The following PKD2L1 variants were observed in gnomAD, a reference collection of about 807,000 sequenced individuals.
PKD2L1 encodes the protein polycystin 2 like 1, transient receptor potential cation channel.
Under a neutral mutation model 93.0 loss-of-function variants are expected in PKD2L1, and 77 were observed. That is an observed-to-expected ratio of 0.83 (90% CI 0.69 to 1.00). The LOEUF is 1.00. Among genes scored for constraint, PKD2L1 ranks in the 50% least tolerant of loss-of-function variants. The pLI is 0.00. For synonymous variants in PKD2L1, 390 were observed against 388.0 expected (o/e 1.01, Z -0.06); for missense variants, 977 against 990.9 (o/e 0.99, Z 0.19).
intron 2 of PKD2L1, among the ~76,000 whole-genome samples, chr10:100,318,064 A>T (rs1162437027): frequency 6.6e-6 from 1 of 151,624 alleles, no homozygotes; most frequent in Non-Finnish European, 1.5e-5. Context: ...TGGGCGATAG[A>T]GCAAGACTCT....
intron 6 of PKD2L1, among the ~76,000 whole-genome samples, chr10:100,296,742 A>T (rs1848548212): frequency 6.6e-6 from 1 of 152,070 alleles, no homozygotes; most frequent in Admixed American, 6.5e-5. Context: ...TACACTAAAA[A>T]AAAAAAACAC....
chr10:100,289,161 T>G, intron 14 of PKD2L1, 105 bp from the exon 15 acceptor site: 1 of 718,466 alleles, frequency 1.4e-6, no homozygotes, highest in South Asian at 2.0e-5. Context: ...ATAGACTGTT[T>G]GCGTCCCTCC....
At chr10:100,299,017 G>A (rs1045671667) in intron 3 of PKD2L1, among the ~76,000 whole-genome samples, 1 of 146,300 alleles carries the variant, frequency 6.8e-6, no homozygotes, top group Non-Finnish European at 1.5e-5. Flanking sequence ...ACACAATCTC[G>A]GCTCACCGCA....
chr10:100,329,209 A>C lies in PKD2L1; in HGVS notation c.349+2T>G, dbSNP rs780635665. 42 of 1,613,890 alleles carry C rather than the reference A, an allele frequency of 2.6e-5. No homozygotes were observed. The East Asian group carries it at 9.4e-4, about 36-fold the overall frequency. On this transcript the variant is annotated splice_donor_variant, in intron 2 of 15. Transcript: ENST00000318222. LOFTEE classifies it high-confidence loss of function. ...ATGTACACAAACACAGATGCTACTCACGTAGACAGATGTCCACCAGGAACA... is the reference window on the plus strand; with the variant it reads ...ATGTACACAAACACAGATGCTACTCCCGTAGACAGATGTCCACCAGGAACA...
chr10:100,296,876 G>A (rs1848551207), intron 6 of PKD2L1, 104 bp downstream of exon 6: 2 of 699,560 alleles, frequency 2.9e-6, no homozygotes, highest in South Asian at 1.8e-5. Context: ...CCAAAAGTCA[G>A]AAGGAGGGCT....
At chr10:100,295,657 C>T (rs192836965) in intron 7 of PKD2L1, among the ~76,000 whole-genome samples, 76 of 141,406 alleles carry the variant, frequency 5.4e-4, no homozygotes, top group African/African-American at 1.8e-3. Context: ...TGCTTCAACC[C>T]GGGAGGCAGA....
chr10:100,324,458 G>A (rs541055811), intron 2 of PKD2L1, among the ~76,000 whole-genome samples: 1 of 152,314 alleles, frequency 6.6e-6, no homozygotes, highest in Admixed American at 6.5e-5. Context: ...ACCCCTGGAA[G>A]CCACTGACAA....
intron 2 of PKD2L1, among the ~76,000 whole-genome samples, chr10:100,302,771 GA>G (rs1410605893): frequency 6.6e-6 from 1 of 151,804 alleles, no homozygotes; most frequent in Non-Finnish European, 1.5e-5. Context: ...AGCAAAAAAA[GA>G]AAAAAATTGA....
In PKD2L1 at chr10:100,295,078, A is replaced by C. The variant is rs1202628540; in HGVS notation, c.1402T>G (p.Ser468Ala). The C allele has an allele frequency of 3.1e-6, 5 of 1,614,130 alleles. No individual in the cohort carries two copies. In the South Asian group the frequency reaches 5.5e-5, roughly 18 times the overall value. Residue 468 changes from serine (S) to alanine (A), a missense_variant, in exon 8 of 16, where the codon TCC becomes GCC. Physicochemically the swap from Ser to Ala is moderately conservative, Grantham distance 99 (BLOSUM62 1). Coordinates refer to ENST00000318222, the MANE Select transcript of PKD2L1 (RefSeq NM_016112.3). The stretch of plus-strand genomic sequence containing the variant: ...TCCTTGGCACAGCGGGCCAGCGTGG[A>C]GGAGAGCTGGGTCATGGTTTTGTTG... ...SFNKTMTQLS[S>A]TLARCAKDIL...
intron 13 of PKD2L1, 65 bp downstream of exon 13, chr10:100,290,336 A>G (rs1170755130): frequency 1.5e-6 from 2 of 1,307,984 alleles, no homozygotes; most frequent in Non-Finnish European, 1.1e-6. Context: ...TGGGAAAAGT[A>G]CAAGACAGGG....
Position 100,288,260 on chromosome 10 carries a change from AT to A in PKD2L1, c.*135del. ...TCAAAGATCTCTGAATCCTGAGTTC[AT>A]TTCCTTGCCTGATTCCCTTCAGGCT... On this transcript the variant is annotated 3_prime_UTR_variant, in exon 16 of 16. Transcript: ENST00000318222. 3.0e-6 allele frequency: 2 copies of A among 666,654 alleles called. No individual in the cohort carries two copies. Among genetic ancestry groups the A allele is most frequent in the Non-Finnish European group, 5.4e-6 (2 of 368,926 alleles). The allele number at this position is 666,654 out of a possible 1,614,324, so 41.3% of individuals were successfully genotyped here.
At chr10:100,296,034 CAAAAAAAAA>C (rs200777805) in intron 7 of PKD2L1, 79 bp downstream of exon 7, 2 of 979,242 alleles carry the variant, frequency 2.0e-6, no homozygotes, top group Non-Finnish European at 2.8e-6. Context: ...GACTCCATCT[CAAAAAAAAA>C]AAAAAGAAAA....
intron 2 of PKD2L1, among the ~76,000 whole-genome samples, chr10:100,319,942 T>A (rs999601761): frequency 6.6e-6 from 1 of 152,120 alleles, no homozygotes; most frequent in African/African-American, 2.4e-5. Flanking sequence ...GCTACAGCAA[T>A]CCCTCCAAGA....
At chr10:100,324,428 T>C (rs1219393763) in intron 2 of PKD2L1, among the ~76,000 whole-genome samples, 1 of 152,206 alleles carries the variant, frequency 6.6e-6, no homozygotes, top group African/African-American at 2.4e-5. Context: ...GCTTTACCTA[T>C]TCGTCCTTCT....
intron 2 of PKD2L1, among the ~76,000 whole-genome samples, chr10:100,321,293 A>G (rs767700776): frequency 6.6e-6 from 1 of 152,042 alleles, no homozygotes; most frequent in African/African-American, 2.4e-5. Context: ...CCTCATCTCT[A>G]CTAAAAATAC....
chr10:100,320,867 A>G (rs1849211669), intron 2 of PKD2L1, among the ~76,000 whole-genome samples: 1 of 152,244 alleles, frequency 6.6e-6, no homozygotes, highest in African/African-American at 2.4e-5. Context: ...CATAGCAAAT[A>G]CTAAGGAGAT....
intron 1 of PKD2L1, 104 bp downstream of exon 1, chr10:100,329,765 C>T (rs1849463797): frequency 5.1e-6 from 4 of 786,958 alleles, no homozygotes; most frequent in Middle Eastern, 3.0e-4. Context: ...ACCGAAAGGT[C>T]ACCTCTTCTT....
chr10:100,298,941 A>T (rs1848616128), intron 3 of PKD2L1, 126 bp from the exon 4 acceptor site: 1 of 379,276 alleles, frequency 2.6e-6, no homozygotes, highest in African/African-American at 4.0e-5. Flanking sequence ...AATTATTGTT[A>T]TTATTATTAT....
At chr10:100,307,614 C>T (rs567058471) in intron 2 of PKD2L1, among the ~76,000 whole-genome samples, 8 of 152,232 alleles carry the variant, frequency 5.3e-5, no homozygotes, top group South Asian at 2.1e-4. Flanking sequence ...AAGCAGTGAT[C>T]GTGACATTGC....
Sources: gnomAD v4.1 joint callset for allele counts (sites outside exome capture counted in the v4.1 genomes callset) on GRCh38, gnomAD v4.1.1 for gene constraint, MANE v1.5 for transcripts, NCBI Gene and HGNC (gene_info 2026-07-23, HGNC 2026-07-21) for gene names.